The following PHF21B variants were observed in gnomAD, a reference collection of about 807,000 sequenced individuals.
PHF21B encodes PHD finger protein 21B, also known as PHD finger protein 4.
PHF21B carries 22 observed loss-of-function variants against 62.2 expected under a neutral mutation model. The ratio of observed to expected loss-of-function variants is 0.35; its 90% CI spans 0.25 to 0.51. The LOEUF (loss-of-function observed/expected upper bound fraction) is 0.51, where lower values mean the gene tolerates loss of function less well. Ranked by LOEUF, PHF21B falls within the 20% of genes least tolerant of loss-of-function variation. PHF21B has a pLI of 0.97. For missense variants in PHF21B, 701 were observed against 707.9 expected (o/e 0.99, Z 0.11); for synonymous variants, 341 against 314.7 (o/e 1.08, Z -0.88).
chr22:44,902,389 C>G, intron 5 of PHF21B: 1 of 309,216 alleles, frequency 3.2e-6, no homozygotes, highest in Non-Finnish European at 6.5e-6. Context: ...CTGTGTTTGC[C>G]CTGATGAGTG....
chr22:45,002,465 G>A (rs2073237533), intron 2 of PHF21B, among the ~76,000 whole-genome samples: 1 of 152,302 alleles, frequency 6.6e-6, no homozygotes, highest in African/African-American at 2.4e-5. Flanking sequence ...AAGGCTGGGG[G>A]AGGGTCACCT....
chr22:44,950,796 G>C (rs574337376), intron 2 of PHF21B, among the ~76,000 whole-genome samples: 34 of 152,292 alleles, frequency 2.2e-4, no homozygotes, highest in African/African-American at 7.7e-4. Flanking sequence ...CTTTCTTTGA[G>C]TCTTCTGCTG....
At chr22:44,979,207 G>A (rs1447549359) in intron 2 of PHF21B, among the ~76,000 whole-genome samples, 1 of 152,250 alleles carries the variant, frequency 6.6e-6, no homozygotes, top group Non-Finnish European at 1.5e-5. Context: ...GCTGGCTTGG[G>A]GGCAGTGGGG....
rs1276443379 is a variant in PHF21B, at chr22:44,909,750, C to T, written c.831+4072G>A. On this transcript the variant is annotated intron_variant, in intron 5 of 12. Transcript: ENST00000313237. The stretch of plus-strand genomic sequence containing the variant: ...TGTGCTATTGCCTATGCAGTGCCCT[C>T]CAGCTGGTGAGCTACCCCTCTGCCT... 4.6e-5 allele frequency among the ~76,000 whole-genome samples: 7 copies of T among 152,224 alleles called. No individual in the cohort carries two copies. In the East Asian group the frequency reaches 1.3e-3, roughly 29 times the overall value.
Position 44,948,660 on chromosome 22 carries a change from C to T in PHF21B, c.121-28170G>A, listed in dbSNP as rs1176097864. Among the ~76,000 whole-genome samples, 4 of 148,790 alleles carry T rather than the reference C, an allele frequency of 2.7e-5. No homozygotes were observed. The East Asian group carries it at 5.9e-4, about 22-fold the overall frequency. The stretch of plus-strand genomic sequence containing the variant: ...GAGCCGAGACTGTGCCACTGCACTC[C>T]AGCATGGGTGACAGAGTGAGACTCT... On this transcript the variant is annotated intron_variant, in intron 2 of 12. Transcript: ENST00000313237.
chr22:44,994,761 C>T (rs1176520310), intron 2 of PHF21B, among the ~76,000 whole-genome samples: 1 of 152,226 alleles, frequency 6.6e-6, no homozygotes, highest in African/African-American at 2.4e-5. Context: ...CAACACTCCC[C>T]CACCCCCACT....
At chr22:45,002,214 T>C (rs1046637689) in intron 2 of PHF21B, among the ~76,000 whole-genome samples, 29 of 152,248 alleles carry the variant, frequency 1.9e-4, no homozygotes, top group African/African-American at 7.0e-4. Flanking sequence ...CATATATCAA[T>C]ATACAAATAT....
At chr22:44,990,476 A>C (rs1333207582) in intron 2 of PHF21B, among the ~76,000 whole-genome samples, 6 of 152,270 alleles carry the variant, frequency 3.9e-5, no homozygotes, top group Admixed American at 3.3e-4. Context: ...AATAACGCAC[A>C]GCCTGAAAAA....
At position 44,920,450 on chromosome 22, in the gene PHF21B, T is replaced by A. The variant is rs2071515048; in HGVS notation, c.161A>T (p.Gln54Leu). Residue 54 changes from glutamine (Q) to leucine (L), a missense_variant, in exon 3 of 13, where the codon CAG becomes CTG. Coordinates refer to ENST00000313237, the MANE Select transcript of PHF21B (RefSeq NM_138415.5). ...GGCCAACCTCTGCAAGGAGCTGACC[T>A]GAGGACCCGTGACAGGCACTGCAGT... ...TITAVPVTGP[Q>L]VSSLQRLAGQ... 6.2e-7 allele frequency: 1 copy of A among 1,613,118 alleles called. No homozygotes were observed. Among genetic ancestry groups the A allele is most frequent in the Admixed American group, 1.7e-5 (1 of 59,954 alleles).
chr22:44,922,423 A>G (rs556518683), intron 2 of PHF21B, among the ~76,000 whole-genome samples: 251 of 152,348 alleles, frequency 1.6e-3, no homozygotes, highest in African/African-American at 5.7e-3. Flanking sequence ...ACCTGAGGTC[A>G]GGAGTTCAAG....
At chr22:44,959,426 C>T (rs1182440921) in intron 2 of PHF21B, among the ~76,000 whole-genome samples, 1 of 152,198 alleles carries the variant, frequency 6.6e-6, no homozygotes, top group African/African-American at 2.4e-5. Context: ...CCTTCCTCCT[C>T]CTTTCTAACT....
intron 2 of PHF21B, among the ~76,000 whole-genome samples, chr22:44,950,986 G>A (rs916203020): frequency 1.3e-5 from 2 of 152,044 alleles, no homozygotes; most frequent in South Asian, 2.1e-4. Flanking sequence ...CGGGCCACAC[G>A]CAGCCTAAAA....
intron 2 of PHF21B, among the ~76,000 whole-genome samples, chr22:44,990,349 A>G (rs976287190): frequency 2.0e-5 from 3 of 152,204 alleles, no homozygotes; most frequent in Non-Finnish European, 4.4e-5. Context: ...GGACTCAAAC[A>G]TATTTGCACA....
At position 44,928,461 on chromosome 22, in the gene PHF21B, G is replaced by C. The variant is rs191523193; in HGVS notation, c.121-7971C>G. The stretch of plus-strand genomic sequence containing the variant: ...GTCTTGCTCTGTCTCCCAGGCTGCA[G>C]TGCAATAGCGTGATCTTGGCTCACT... On this transcript the variant is annotated intron_variant, in intron 2 of 12. Coordinates refer to ENST00000313237, the MANE Select transcript of PHF21B (RefSeq NM_138415.5). 2.5e-3 allele frequency among the ~76,000 whole-genome samples: 376 copies of C among 152,286 alleles called. 3 individuals are homozygous for C. The highest frequency in any genetic ancestry group is 8.3e-3 in the African/African-American group (345 of 41,546).
At chr22:44,958,186 A>T (rs1454530443) in intron 2 of PHF21B, among the ~76,000 whole-genome samples, 1 of 152,110 alleles carries the variant, frequency 6.6e-6, no homozygotes, top group East Asian at 1.9e-4. Context: ...TACAGGTGTG[A>T]GCCACCACGA....
intron 2 of PHF21B, among the ~76,000 whole-genome samples, chr22:44,929,830 C>A (rs1469087918): frequency 6.6e-6 from 1 of 152,192 alleles, no homozygotes; most frequent in African/African-American, 2.4e-5. Context: ...AGGCGGCAGG[C>A]CTGAGGGACC....
intron 5 of PHF21B, among the ~76,000 whole-genome samples, chr22:44,907,711 G>A (rs950283014): frequency 3.3e-5 from 5 of 152,212 alleles, no homozygotes; most frequent in Non-Finnish European, 5.9e-5. Context: ...AAAAGGTTTT[G>A]TGGGGCATTT....
intron 10 of PHF21B, among the ~76,000 whole-genome samples, chr22:44,887,628 GC>G (rs2070882725): frequency 6.6e-6 from 1 of 151,494 alleles, no homozygotes; most frequent in Admixed American, 6.6e-5. Context: ...GGTGGTGGGC[GC>G]CTATAACCCC....
At chr22:44,896,884 T>TTTTTTTTTTG (rs1555933186) in intron 5 of PHF21B, among the ~76,000 whole-genome samples, 3 of 78,858 alleles carry the variant, frequency 3.8e-5, no homozygotes, top group Non-Finnish European at 1.1e-4. Context: ...TTATCTGTTT[T>TTTTTTTTTTG]TTTTTTTTTT....
Sources: gnomAD v4.1 joint callset for allele counts (sites outside exome capture counted in the v4.1 genomes callset) on GRCh38, gnomAD v4.1.1 for gene constraint, MANE v1.5 for transcripts, NCBI Gene and HGNC (gene_info 2026-07-23, HGNC 2026-07-21) for gene names.